Variants in TESK2 observed in about 807,000 individuals in gnomAD.
TESK2 encodes testis associated actin remodelling kinase 2.
A neutral mutation model predicts 57.1 loss-of-function variants in TESK2; 39 were observed. That is an observed-to-expected ratio of 0.68 (90% confidence interval 0.53 to 0.89). TESK2 has a LOEUF of 0.89. Among genes scored for constraint, TESK2 ranks in the 40% least tolerant of loss-of-function variants. The pLI is 0.00. For missense variants in TESK2, 646 were observed against 732.1 expected (o/e 0.88, Z 1.36); for synonymous variants, 249 against 267.9 (o/e 0.93, Z 0.69).
intron 3 of TESK2, among the ~76,000 whole-genome samples, chr1:45,404,545 A>C (rs953809178): frequency 3.3e-5 from 5 of 151,366 alleles, no homozygotes; most frequent in African/African-American, 1.2e-4. Context: ...ATTTTATTTA[A>C]TTATTTTTTT....
intron 2 of TESK2, among the ~76,000 whole-genome samples, chr1:45,426,637 TGAAAC>T (rs1650705050): frequency 6.6e-6 from 1 of 151,850 alleles, no homozygotes; most frequent in Non-Finnish European, 1.5e-5. Context: ...GCACAGCAAA[TGAAAC>T]AAAGTGAAGA....
chr1:45,465,414 AAG>A (rs35969225), intron 1 of TESK2, among the ~76,000 whole-genome samples: 71,919 of 139,850 alleles, frequency 0.51, 18,914 homozygotes, highest in African/African-American at 0.61. Context: ...CCAAAAAAGA[AAG>A]AGAGAGAGAG....
chr1:45,454,086 C>A (rs1197257603), intron 2 of TESK2, among the ~76,000 whole-genome samples: 4 of 152,084 alleles, frequency 2.6e-5, no homozygotes, highest in African/African-American at 4.8e-5. Flanking sequence ...AATGGCACAA[C>A]CACTACGGAA....
rs542160390 is a variant in TESK2, at chr1:45,390,887, C to T, written c.345-4927G>A. Among the ~76,000 whole-genome samples, 3 of 150,694 alleles carry T rather than the reference C, an allele frequency of 2.0e-5. No homozygotes were observed. The South Asian group carries it at 6.3e-4, about 31-fold the overall frequency. On this transcript the variant is annotated intron_variant, in intron 3 of 10. Transcript: ENST00000372086. The stretch of plus-strand genomic sequence containing the variant: ...CTTCCTAAAGTGCTGAGCTTACAGG[C>T]GTGAGCCATTGCACCCAGCCTCTAG...
rs530933169 is a variant in TESK2 at position 45,417,313 on chromosome 1, C to A, written c.344+4412G>T. Among the ~76,000 whole-genome samples the A allele has an allele frequency of 2.0e-5, 3 of 152,138 alleles. No individual in the cohort carries two copies. In the East Asian group the frequency reaches 5.8e-4, roughly 30 times the overall value. On this transcript the variant is annotated intron_variant, in intron 3 of 10. Coordinates refer to ENST00000372086, the MANE Select transcript of TESK2 (RefSeq NM_007170.3). ...ATGGTGCAATCTCAGCTCACTGCAA[C>A]CTCTGCCTCCCAGGTTCAAGTGATT...
chr1:45,353,464 T>TA (rs765202736), intron 5 of TESK2, among the ~76,000 whole-genome samples: 73 of 152,344 alleles, frequency 4.8e-4, no homozygotes, highest in Non-Finnish European at 9.1e-4. Flanking sequence ...TCCAGGTACT[T>TA]ACTGCTTTAG....
In TESK2 at chr1:45,352,663, A is replaced by G. The variant is rs79094960; in HGVS notation, c.540+2640T>C. ...TAGTTATTTGCCAACAAAACTGTAC[A>G]TACCTCTAGGTCAGAAGTTCCTCTT... is the stretch of plus-strand genomic sequence containing the variant. On this transcript the variant is annotated intron_variant, in intron 5 of 10. Transcript: ENST00000372086. Among the ~76,000 whole-genome samples the G allele has an allele frequency of 4.1e-3, 630 of 152,330 alleles. 18 individuals are homozygous for G. The East Asian group carries it at 0.1, about 24-fold the overall frequency.
chr1:45,398,219 T>C (rs1407862961), intron 3 of TESK2, among the ~76,000 whole-genome samples: 2 of 151,874 alleles, frequency 1.3e-5, no homozygotes, highest in South Asian at 4.1e-4. Flanking sequence ...TGTCACTGAA[T>C]TCTTAAAATA....
chr1:45,398,644 G>T (rs1322667334), intron 3 of TESK2: 1 of 174,124 alleles, frequency 5.7e-6, no homozygotes, highest in East Asian at 1.5e-4. Flanking sequence ...CCTCTTCCAT[G>T]ATATTAAAAG....
At chr1:45,452,046 A>AAAAAAAAAAAAAAAAAAAAAAT (rs1557579264) in intron 2 of TESK2, among the ~76,000 whole-genome samples, 10 of 151,414 alleles carry the variant, frequency 6.6e-5, no homozygotes, top group Non-Finnish European at 7.4e-5. Flanking sequence ...AAAAAAAAAA[A>AAAAAAAAAAAAAAAAAAAAAAT]ATTTATTTGG....
chr1:45,382,891 T>G (rs1355816617), intron 4 of TESK2, among the ~76,000 whole-genome samples: 1 of 152,148 alleles, frequency 6.6e-6, no homozygotes, highest in Admixed American at 6.6e-5. Context: ...ATCTTTAGTC[T>G]ATCATTACTA....
chr1:45,346,821 TC>T (rs745614998), intron 8 of TESK2, 42 bp from the exon 9 acceptor site: 1 of 1,587,282 alleles, frequency 6.3e-7, no homozygotes, highest in South Asian at 1.1e-5. Flanking sequence ...AGTTCATTAA[TC>T]CCCCCACCCA....
chr1:45,452,704 C>T (rs980609875), intron 2 of TESK2, among the ~76,000 whole-genome samples: 3 of 150,908 alleles, frequency 2.0e-5, no homozygotes, highest in African/African-American at 7.3e-5. Context: ...TGACCAGGCC[C>T]AGGAGTTCAA....
At chr1:45,434,622 T>C (rs1403285172) in intron 2 of TESK2, among the ~76,000 whole-genome samples, 2 of 152,204 alleles carry the variant, frequency 1.3e-5, no homozygotes, top group Non-Finnish European at 2.9e-5. Context: ...TCCTATGTTT[T>C]CTTTCAAGAA....
chr1:45,468,269 G>A (rs868061789), intron 1 of TESK2, among the ~76,000 whole-genome samples: 107 of 152,088 alleles, frequency 7.0e-4, no homozygotes, highest in African/African-American at 2.5e-3. Context: ...TGATTAGATA[G>A]CTGAGATGAG....
At chr1:45,440,304 T>C (rs1459511751) in intron 2 of TESK2, among the ~76,000 whole-genome samples, 1 of 151,946 alleles carries the variant, frequency 6.6e-6, no homozygotes, top group Non-Finnish European at 1.5e-5. Flanking sequence ...GTATAAAACA[T>C]ACAGAACGGA....
intron 3 of TESK2, among the ~76,000 whole-genome samples, chr1:45,408,237 A>G (rs1489354551): frequency 2.6e-5 from 4 of 152,100 alleles, no homozygotes; most frequent in Non-Finnish European, 5.9e-5. Flanking sequence ...CTCTACTCTC[A>G]TGCTTGATTG....
intron 3 of TESK2, among the ~76,000 whole-genome samples, chr1:45,407,958 C>T (rs944198322): frequency 6.6e-6 from 1 of 152,196 alleles, no homozygotes; most frequent in Admixed American, 6.5e-5. Context: ...TCCTCACACC[C>T]CCACTTCCCA....
At chr1:45,427,234 C>CA (rs111269135) in intron 2 of TESK2, among the ~76,000 whole-genome samples, 3,933 of 128,832 alleles carry the variant, frequency 0.031, 334 homozygotes, top group African/African-American at 0.12. Context: ...GACTCTGTCT[C>CA]AAAAAAAAAA....
Sources: allele counts gnomAD v4.1 joint callset (sites outside exome capture counted in the v4.1 genomes callset), GRCh38; gene constraint gnomAD v4.1.1; transcripts MANE v1.5; gene names NCBI Gene and HGNC (gene_info 2026-07-23, HGNC 2026-07-21).